The following MRPS9 variants were observed in gnomAD, a reference collection of about 807,000 sequenced individuals.
MRPS9 encodes mitochondrial ribosomal protein S9.
Under a neutral mutation model 59.9 loss-of-function variants are expected in MRPS9, and 45 were observed. The observed-to-expected ratio is 0.75, with a 90% CI of 0.59 to 0.96. The LOEUF is 0.96. Ranked by LOEUF, MRPS9 falls within the 40% of genes least tolerant of loss-of-function variation. The pLI, the probability that MRPS9 is intolerant of heterozygous loss-of-function variation, is 0.00. For synonymous variants in MRPS9, 171 were observed against 166.8 expected (o/e 1.03, Z -0.19); for missense variants, 473 against 481.1 (o/e 0.98, Z 0.16).
chr2:105,081,966 TA>T (rs1178775176), intron 5 of MRPS9, among the ~76,000 whole-genome samples: 2 of 152,208 alleles, frequency 1.3e-5, no homozygotes, highest in Non-Finnish European at 2.9e-5. Flanking sequence ...GACTTTGAAA[TA>T]GTGACTAAAT....
rs750071273 is a variant in MRPS9 at position 105,097,217 on chromosome 2, C to G, written c.992C>G (p.Thr331Arg). 2.5e-6 allele frequency: 4 copies of G among 1,611,170 alleles called. No individual in the cohort carries two copies. The Admixed American group carries it at 6.7e-5, about 27-fold the overall frequency. The part of the protein sequence containing the change: ...DRLGKHDVTC[T>R]VSGGGRSAQA... ...CTGGGAAAGCACGACGTGACCTGCA[C>G]AGTCTCAGGGGGCGGGAGGTCAGCG... Residue 331 changes from threonine to arginine, a missense_variant, in exon 10 of 11, where the codon ACA (threonine) becomes AGA (arginine). Physicochemically the swap from Thr to Arg is moderately conservative, Grantham distance 71 (BLOSUM62 -1). Transcript: ENST00000258455.
intron 3 of MRPS9, 34 bp downstream of exon 3, chr2:105,071,409 C>A: frequency 6.3e-7 from 1 of 1,589,330 alleles, no homozygotes; most frequent in Non-Finnish European, 8.6e-7. Flanking sequence ...AAAAATTTCA[C>A]TTTTATATGT....
Position 105,099,696 on chromosome 2 carries a change from G to T in MRPS9, c.1126G>T (p.Val376Leu), listed in dbSNP as rs1205082659. The T allele has an allele frequency of 1.2e-6, 2 of 1,614,142 alleles. No individual in the cohort carries two copies. The highest frequency in any genetic ancestry group is 8.5e-7 in the Non-Finnish European group (1 of 1,180,028). ...TGGACTACTTACTACTGATCCACGT[G>T]TGAGGGAACGGAAGAAGCCAGGCCA... is the stretch of plus-strand genomic sequence containing the variant. ...QAGLLTTDPR[V>L]RERKKPGQEG... The change falls in exon 11 of 11, where the codon GTG (valine) becomes TTG (leucine). Residue 376 changes from valine (V) to leucine (L), a missense_variant. Val to Leu is a conservative substitution (Grantham distance 32). Coordinates refer to ENST00000258455, the MANE Select transcript of MRPS9 (RefSeq NM_182640.3).
chr2:105,051,677 G>A (rs140482441), intron 2 of MRPS9, among the ~76,000 whole-genome samples: 1 of 152,280 alleles, frequency 6.6e-6, no homozygotes, highest in East Asian at 1.9e-4. Context: ...TGAACATGGG[G>A]TGTCCCTCTA....
chr2:105,081,872 G>T (rs1314965436), intron 5 of MRPS9, among the ~76,000 whole-genome samples: 1 of 152,136 alleles, frequency 6.6e-6, no homozygotes. Flanking sequence ...ATTATGTATA[G>T]CAGGTGTCAT....
intron 8 of MRPS9, 59 bp downstream of exon 8, chr2:105,092,628 T>C (rs1271347905): frequency 7.5e-7 from 1 of 1,336,086 alleles, no homozygotes; most frequent in Non-Finnish European, 1.0e-6. Context: ...CTACAATTAT[T>C]TTTATTTGCT....
intron 2 of MRPS9, among the ~76,000 whole-genome samples, chr2:105,069,278 G>A (rs1034586937): frequency 1.2e-4 from 18 of 148,600 alleles, no homozygotes; most frequent in Admixed American, 2.0e-4. Flanking sequence ...GCAATGGCGC[G>A]ATCTCAGCTC....
In MRPS9 at chr2:105,073,516, C is replaced by A. The variant is rs930854071; in HGVS notation, c.409+2027C>A. Among the ~76,000 whole-genome samples, 69 of 151,902 alleles carry A rather than the reference C, an allele frequency of 4.5e-4. 4 individuals are homozygous for A. Among genetic ancestry groups the A allele is most frequent in the Non-Finnish European group, 1.5e-5 (1 of 67,936 alleles). On this transcript the variant is annotated intron_variant, in intron 4 of 10. Coordinates refer to ENST00000258455, the MANE Select transcript of MRPS9 (RefSeq NM_182640.3). ...TAGGATAAACTGATTTTTTTGTATG[C>A]TAAAAAAGTAACAGTGAATTTTAGA...
At chr2:105,056,214 T>C (rs1679789685) in intron 2 of MRPS9, among the ~76,000 whole-genome samples, 1 of 148,662 alleles carries the variant, frequency 6.7e-6, no homozygotes, top group Admixed American at 6.7e-5. Flanking sequence ...TTTTTAACAA[T>C]ACTAAGGCTG....
chr2:105,072,514 C>G (rs1280501571), intron 4 of MRPS9, among the ~76,000 whole-genome samples: 1 of 151,646 alleles, frequency 6.6e-6, no homozygotes, highest in Admixed American at 6.6e-5. Context: ...TTATGTAATA[C>G]TTAATTCATG....
chr2:105,080,124 G>A, intron 5 of MRPS9, 62 bp downstream of exon 5: 1 of 1,193,080 alleles, frequency 8.4e-7, no homozygotes, highest in African/African-American at 1.5e-5. Context: ...AATTATACTG[G>A]ATACTGTTCG....
At chr2:105,068,991 T>C (rs914274548) in intron 2 of MRPS9, among the ~76,000 whole-genome samples, 5 of 152,198 alleles carry the variant, frequency 3.3e-5, no homozygotes, top group South Asian at 2.1e-4. Flanking sequence ...TATGTAATGT[T>C]GTTAGAAAGC....
intron 1 of MRPS9, among the ~76,000 whole-genome samples, chr2:105,041,918 TTA>T (rs1452293360): frequency 1.3e-5 from 2 of 152,176 alleles, no homozygotes; most frequent in African/African-American, 4.8e-5. Flanking sequence ...ATTTGGCAAT[TTA>T]TATGTTTCTT....
At chr2:105,050,436 G>A (rs997720023) in intron 2 of MRPS9, among the ~76,000 whole-genome samples, 6 of 152,082 alleles carry the variant, frequency 3.9e-5, no homozygotes, top group Non-Finnish European at 7.4e-5. Context: ...CACCCGGCCC[G>A]GTCCAGAAGG....
intron 1 of MRPS9, among the ~76,000 whole-genome samples, chr2:105,043,219 A>C (rs1011006689): frequency 2.6e-5 from 4 of 152,188 alleles, no homozygotes; most frequent in Non-Finnish European, 5.9e-5. Context: ...TATGCGTTTT[A>C]TTTGATTGGT....
chr2:105,068,414 A>G (rs947319948), intron 2 of MRPS9, among the ~76,000 whole-genome samples: 1 of 152,194 alleles, frequency 6.6e-6, no homozygotes, highest in African/African-American at 2.4e-5. Context: ...ATGACTGACT[A>G]TAAGCCTACC....
rs971545558 is a variant in MRPS9, at chr2:105,096,671, A to T, written c.930-484A>T. ...GGTCGAAAATAGTTTTAGAAACTTTAAAAACTAACCATATCAAGATGAGCA... is the reference window on the plus strand; with the variant it reads ...GGTCGAAAATAGTTTTAGAAACTTTTAAAACTAACCATATCAAGATGAGCA... On this transcript the variant is annotated intron_variant, in intron 9 of 10. Transcript: ENST00000258455. Among the ~76,000 whole-genome samples, 13 of 152,370 alleles carry T rather than the reference A, an allele frequency of 8.5e-5. No homozygotes were observed. In the South Asian group the frequency reaches 1.9e-3, roughly 22 times the overall value.
intron 2 of MRPS9, among the ~76,000 whole-genome samples, chr2:105,050,816 C>T (rs917733296): frequency 6.6e-6 from 1 of 152,136 alleles, no homozygotes; most frequent in Admixed American, 6.5e-5. Flanking sequence ...TTTGCCTACC[C>T]CGGACTTTCA....
intron 9 of MRPS9, 114 bp from the exon 10 acceptor site, chr2:105,097,041 G>C: frequency 9.0e-7 from 1 of 1,112,410 alleles, no homozygotes; most frequent in Non-Finnish European, 1.2e-6. Context: ...AGTATGAAAA[G>C]TATAACAGTG....
Sources: gnomAD v4.1 joint callset for allele counts (sites outside exome capture counted in the v4.1 genomes callset) on GRCh38, gnomAD v4.1.1 for gene constraint, MANE v1.5 for transcripts, NCBI Gene and HGNC (gene_info 2026-07-23, HGNC 2026-07-21) for gene names.